The following FSD1L variants were observed in gnomAD, a reference collection of about 807,000 sequenced individuals.
FSD1L encodes the protein FSD1-like protein.
In FSD1L, 45 loss-of-function variants were observed where a neutral mutation model predicts 71.6. The ratio of observed to expected loss-of-function variants is 0.63; its 90% CI spans 0.49 to 0.81. The LOEUF (loss-of-function observed/expected upper bound fraction) is 0.81. Among genes scored for constraint, FSD1L ranks in the 30% least tolerant of loss-of-function variants. The pLI is 0.00. For synonymous variants in FSD1L, 197 were observed against 207.2 expected, an observed-to-expected ratio of 0.95 and a Z score of 0.42; for missense variants, 561 against 618.1, an observed-to-expected ratio of 0.91 and a Z score of 0.98.
chr9:105,510,768 T>G (rs950474695), intron 9 of FSD1L, among the ~76,000 whole-genome samples: 12 of 152,174 alleles, frequency 7.9e-5, no homozygotes, highest in African/African-American at 2.2e-4. Context: ...GATATTAAAT[T>G]ACTAAATCAC....
At chr9:105,508,172 C>CTATT (rs1834173002) in intron 8 of FSD1L, among the ~76,000 whole-genome samples, 1 of 132,230 alleles carries the variant, frequency 7.6e-6, no homozygotes, top group African/African-American at 2.9e-5. Context: ...CCACATATCA[C>CTATT]TCTTTTTTTT....
Position 105,552,041 on chromosome 9 carries a change from A to T in FSD1L, c.*5558A>T, listed in dbSNP as rs1446074791. 6.6e-6 allele frequency: 1 copy of T among 152,212 alleles called. No individual in the cohort carries two copies. Among genetic ancestry groups the T allele is most frequent in the Non-Finnish European group, 1.5e-5 (1 of 68,030 alleles). The allele number at this position is 152,212 out of a possible 1,614,324, so 9.4% of individuals were successfully genotyped here. On this transcript the variant is annotated 3_prime_UTR_variant, in exon 14 of 14. Coordinates refer to ENST00000481272, the MANE Select transcript of FSD1L (RefSeq NM_001145313.3). ...GTTATCTCTTGGTATCTCTCCTGACATATTTGTTTTGCTTTAAATTGGATT... is the reference window on the plus strand; with the variant it reads ...GTTATCTCTTGGTATCTCTCCTGACTTATTTGTTTTGCTTTAAATTGGATT...
chr9:105,476,142 C>G lies in FSD1L; in HGVS notation c.442-3212C>G, dbSNP rs572793297. Among the ~76,000 whole-genome samples the G allele has an allele frequency of 2.6e-5, 4 of 152,250 alleles. No individual in the cohort carries two copies. In the East Asian group the frequency reaches 7.7e-4, roughly 29 times the overall value. ...TGGGAAAAGATCTGTTAACTTTTTTCTATGTGACTGGGAAAATATCTGGTT... is the reference window on the plus strand; with the variant it reads ...TGGGAAAAGATCTGTTAACTTTTTTGTATGTGACTGGGAAAATATCTGGTT... On this transcript the variant is annotated intron_variant, in intron 5 of 13. Transcript: ENST00000481272.
intron 1 of FSD1L, among the ~76,000 whole-genome samples, chr9:105,460,143 A>G (rs555009492): frequency 6.6e-6 from 1 of 152,310 alleles, no homozygotes; most frequent in East Asian, 1.9e-4. Flanking sequence ...GGCAATTCAT[A>G]TAGGATATCA....
At position 105,503,793 on chromosome 9, in the gene FSD1L, C is replaced by T. The variant is rs140546433; in HGVS notation, c.587-2606C>T. Among the ~76,000 whole-genome samples, 978 of 152,322 alleles carry T rather than the reference C, an allele frequency of 6.4e-3. 16 individuals are homozygous for T. Among genetic ancestry groups the T allele is most frequent in the African/African-American group, 0.023 (936 of 41,572 alleles). ...TATAGAATCTAGAGTGAACTTCCCA[C>T]GTTAGCTCCAAGTCAACCTAAATTT... is the stretch of plus-strand genomic sequence containing the variant. On this transcript the variant is annotated intron_variant, in intron 7 of 13. Transcript: ENST00000481272.
At position 105,521,062 on chromosome 9, in the gene FSD1L, C is replaced by G. The variant is rs116388178; in HGVS notation, c.1025+8126C>G. 28 of 1,613,154 alleles carry G rather than the reference C, an allele frequency of 1.7e-5. No individual in the cohort carries two copies. The Middle Eastern group carries it at 7.4e-4, about 42-fold the overall frequency. On this transcript the variant is annotated intron_variant, in intron 10 of 13. Coordinates refer to ENST00000481272, the MANE Select transcript of FSD1L (RefSeq NM_001145313.3). ...TTATATCATCCTATACTTGACATCC[C>G]GCAGATGAGACCAAAGCCACATTAT...
intron 5 of FSD1L, among the ~76,000 whole-genome samples, chr9:105,477,199 C>T (rs774420941): frequency 1.3e-5 from 2 of 152,052 alleles, no homozygotes; most frequent in Non-Finnish European, 2.9e-5. Context: ...AAACGGTAAT[C>T]GTCTTCATAT....
intron 6 of FSD1L, among the ~76,000 whole-genome samples, chr9:105,481,179 G>GTGTGTGTGTGTGTGT (rs71364100): frequency 8.8e-4 from 101 of 115,310 alleles, no homozygotes; most frequent in East Asian, 2.8e-3. Context: ...GTGTGTGTGT[G>GTGTGTGTGTGTGTGT]GTTCTTTTTT....
rs1837153954 is a variant in FSD1L, at chr9:105,548,926, G to A, written c.*2443G>A. On this transcript the variant is annotated 3_prime_UTR_variant, in exon 14 of 14. Transcript: ENST00000481272. ...TGTTAAGTTAAACTGGAGAAAGTTT[G>A]TCATCCTCATTTTCAAACTGAAAAC... is the stretch of plus-strand genomic sequence containing the variant. 1 of 151,980 alleles carries A rather than the reference G, an allele frequency of 6.6e-6. No homozygotes were observed. Among genetic ancestry groups the A allele is most frequent in the Admixed American group, 6.6e-5 (1 of 15,252 alleles). 9.4% of individuals were successfully genotyped at this position (151,980 alleles called of 1,614,324 possible).
At chr9:105,505,406 G>A (rs562548562) in intron 7 of FSD1L, among the ~76,000 whole-genome samples, 25 of 152,146 alleles carry the variant, frequency 1.6e-4, no homozygotes, top group African/African-American at 5.3e-4. Context: ...GATTACTGGC[G>A]CATGCCACCA....
intron 4 of FSD1L, 57 bp from the exon 5 acceptor site, chr9:105,471,847 C>T (rs978758329): frequency 1.6e-6 from 1 of 632,844 alleles, no homozygotes; most frequent in Non-Finnish European, 2.5e-6. Flanking sequence ...ATTTAAGATT[C>T]TAATGGCAAT....
At chr9:105,452,665 G>GCCTGCCTT (rs1381528005) in intron 1 of FSD1L, among the ~76,000 whole-genome samples, 12 of 85,902 alleles carry the variant, frequency 1.4e-4, no homozygotes, top group Admixed American at 2.4e-4. Context: ...CTGCCTGCCT[G>GCCTGCCTT]CCTGCCTTCC....
intron 10 of FSD1L, chr9:105,524,225 C>A: frequency 6.2e-7 from 1 of 1,612,236 alleles, no homozygotes; most frequent in Middle Eastern, 2.2e-4. Context: ...TTTGTGTTTC[C>A]TTAAAGTTTA....
In FSD1L at chr9:105,525,482, T is replaced by C. The variant is rs1835451403; in HGVS notation, c.1026-9011T>C. Reference sequence around the variant, plus strand: ...GAGAAGCACTTTAATGACTTAAACATGAAAGCTGTGGAACAAGATGAACCA... The same window carrying C: ...GAGAAGCACTTTAATGACTTAAACACGAAAGCTGTGGAACAAGATGAACCA... On this transcript the variant is annotated intron_variant, in intron 10 of 13. Transcript: ENST00000481272. 23 of 1,609,484 alleles carry C rather than the reference T, an allele frequency of 1.4e-5. No individual in the cohort carries two copies. In the South Asian group the frequency reaches 2.3e-4, roughly 16 times the overall value.
chr9:105,496,003 A>G (rs76525860), intron 7 of FSD1L, among the ~76,000 whole-genome samples: 1,790 of 151,168 alleles, frequency 0.012, 19 homozygotes, highest in Non-Finnish European at 0.021. Context: ...AATTCTGTGT[A>G]GTCCTTATCA....
intron 12 of FSD1L, among the ~76,000 whole-genome samples, chr9:105,536,249 C>T (rs1836257062): frequency 1.3e-5 from 2 of 152,318 alleles, no homozygotes; most frequent in Admixed American, 1.3e-4. Context: ...CTTAAATTTT[C>T]CCATCTGAAT....
At chr9:105,529,621 G>C (rs1333328189) in intron 10 of FSD1L, among the ~76,000 whole-genome samples, 1 of 151,994 alleles carries the variant, frequency 6.6e-6, no homozygotes, top group Non-Finnish European at 1.5e-5. Context: ...GGGCCTGTCG[G>C]GGTGGGGGTC....
At chr9:105,519,433 C>T (rs1212961731) in intron 10 of FSD1L, among the ~76,000 whole-genome samples, 4 of 152,166 alleles carry the variant, frequency 2.6e-5, no homozygotes, top group South Asian at 2.1e-4. Context: ...CCCAGCAGCA[C>T]ATCAAAAAGC....
At chr9:105,518,196 C>CAA (rs1834860006) in intron 10 of FSD1L, among the ~76,000 whole-genome samples, 1 of 152,126 alleles carries the variant, frequency 6.6e-6, no homozygotes, top group African/African-American at 2.4e-5. Context: ...AATTAGACTC[C>CAA]CATACAGTAA....
Sources: allele counts gnomAD v4.1 joint callset (sites outside exome capture counted in the v4.1 genomes callset), GRCh38; gene constraint gnomAD v4.1.1; transcripts MANE v1.5; gene names NCBI Gene and HGNC (gene_info 2026-07-23, HGNC 2026-07-21).